TMOD1: variants seen among roughly 807,000 people sequenced by gnomAD.
The protein encoded by TMOD1 is tropomodulin-1.
Under a neutral mutation model 40.6 loss-of-function variants are expected in TMOD1, and 17 were observed. The ratio of observed to expected loss-of-function variants is 0.42; its 90% confidence interval spans 0.29 to 0.63. The LOEUF is 0.63. TMOD1 is among the 20% of genes least tolerant of loss of function. The pLI, the probability that TMOD1 is intolerant of heterozygous loss-of-function variation, is 0.22. For missense variants in TMOD1, 391 were observed against 447.6 expected, an observed-to-expected ratio of 0.87 and a Z score of 1.14; for synonymous variants, 181 against 175.0, an observed-to-expected ratio of 1.03 and a Z score of -0.27.
chr9:97,586,396 T>A (rs1482914843), intron 8 of TMOD1, among the ~76,000 whole-genome samples: 70 of 151,700 alleles, frequency 4.6e-4, no homozygotes, highest in Non-Finnish European at 8.9e-4. Flanking sequence ...GGAGAACCAC[T>A]GCTCTCTTCA....
intron 3 of TMOD1, among the ~76,000 whole-genome samples, chr9:97,547,849 C>G (rs1225445515): frequency 2.0e-5 from 3 of 152,206 alleles, no homozygotes; most frequent in Admixed American, 2.0e-4. Flanking sequence ...ACCACTTGGG[C>G]TGTTTTTGCT....
chr9:97,596,778 G>A (rs1021232681), intron 9 of TMOD1, among the ~76,000 whole-genome samples: 1 of 152,080 alleles, frequency 6.6e-6, no homozygotes, highest in Non-Finnish European at 1.5e-5. Flanking sequence ...TACTCCCAAT[G>A]CCCCCCACCT....
intron 4 of TMOD1, among the ~76,000 whole-genome samples, chr9:97,560,144 A>T (rs1362082976): frequency 3.0e-5 from 1 of 33,472 alleles, no homozygotes; most frequent in Non-Finnish European, 6.9e-5. Flanking sequence ...ATATTTTTTA[A>T]AAAATCACCA....
intron 4 of TMOD1, among the ~76,000 whole-genome samples, chr9:97,559,772 TAAAAAAAAAAAAA>T (rs58522887): frequency 5.2e-4 from 19 of 36,850 alleles, no homozygotes; most frequent in Non-Finnish European, 6.4e-4. Flanking sequence ...CTCAAAAATT[TAAAAAAAAAAAAA>T]AAAAAAAAAA....
At chr9:97,591,553 C>A (rs1826002378) in intron 9 of TMOD1, 118 bp downstream of exon 9, 1 of 1,250,720 alleles carries the variant, frequency 8.0e-7, no homozygotes, top group Non-Finnish European at 1.1e-6. Flanking sequence ...CCTTGATTTT[C>A]ACATTGATCG....
chr9:97,501,362 A>C (rs903464107), upstream of TMOD1: 1 of 152,198 alleles, frequency 6.6e-6, no homozygotes, highest in Non-Finnish European at 1.5e-5. Flanking sequence ...ACAGGAATGC[A>C]AATCTGCCCA....
chr9:97,550,992 T>TATATATA (rs1830441669), intron 3 of TMOD1, among the ~76,000 whole-genome samples: 1 of 96,382 alleles, frequency 1.0e-5, no homozygotes, highest in African/African-American at 4.8e-5. Context: ...TCTAAGAATT[T>TATATATA]TATATATATA....
intron 2 of TMOD1, among the ~76,000 whole-genome samples, chr9:97,529,623 C>T (rs568211767): frequency 4.6e-5 from 7 of 152,102 alleles, no homozygotes; most frequent in African/African-American, 7.2e-5. Context: ...TGGACTCCCT[C>T]GGGAAAGGAA....
chr9:97,594,639 G>A (rs1461621872), intron 9 of TMOD1, among the ~76,000 whole-genome samples: 3 of 152,310 alleles, frequency 2.0e-5, no homozygotes, highest in South Asian at 2.1e-4. Flanking sequence ...TGAGGACAGC[G>A]ACTGGCTCTG....
At chr9:97,566,714 G>A (rs147070272) in intron 7 of TMOD1, among the ~76,000 whole-genome samples, 333 of 152,150 alleles carry the variant, frequency 2.2e-3, no homozygotes, top group Non-Finnish European at 3.5e-3. Context: ...AAATAAAAAT[G>A]ATGGTTTCAT....
chr9:97,544,346 G>C (rs1420731260), intron 2 of TMOD1, among the ~76,000 whole-genome samples: 1 of 152,144 alleles, frequency 6.6e-6, no homozygotes, highest in African/African-American at 2.4e-5. Flanking sequence ...GACCAGCCTA[G>C]CCAATATGGT....
At chr9:97,552,465 C>T (rs917499271) in intron 3 of TMOD1, among the ~76,000 whole-genome samples, 1 of 152,222 alleles carries the variant, frequency 6.6e-6, no homozygotes, top group African/African-American at 2.4e-5. Context: ...TATTGCTCTC[C>T]TTTCACTACA....
chr9:97,593,455 G>A (rs1298708957), intron 9 of TMOD1, among the ~76,000 whole-genome samples: 1 of 152,106 alleles, frequency 6.6e-6, no homozygotes, highest in East Asian at 1.9e-4. Flanking sequence ...GGAGCCTGGG[G>A]TGGGGGTAGG....
chr9:97,511,090 A>G (rs1205971664), intron 1 of TMOD1, among the ~76,000 whole-genome samples: 1 of 148,598 alleles, frequency 6.7e-6, no homozygotes, highest in East Asian at 2.6e-4. Flanking sequence ...ACACAGACAC[A>G]CACACACACA....
chr9:97,593,758 G>C (rs1248956102), intron 9 of TMOD1, among the ~76,000 whole-genome samples: 1 of 152,102 alleles, frequency 6.6e-6, no homozygotes, highest in Non-Finnish European at 1.5e-5. Flanking sequence ...AGCCAGCCTT[G>C]AAAGGAAGAG....
At chr9:97,546,844 G>A (rs193233562) in intron 3 of TMOD1, among the ~76,000 whole-genome samples, 154 of 149,078 alleles carry the variant, frequency 1.0e-3, no homozygotes, top group African/African-American at 3.5e-3. Flanking sequence ...CAGGAAAATC[G>A]CGTGAACCCA....
At chr9:97,584,382 C>T (rs528681592) in intron 8 of TMOD1, among the ~76,000 whole-genome samples, 2 of 151,136 alleles carry the variant, frequency 1.3e-5, no homozygotes, top group East Asian at 1.9e-4. Context: ...GTTATAATTT[C>T]TGTTCTTTTA....
At chr9:97,555,318 A>G in intron 4 of TMOD1, 2 of 1,135,224 alleles carry the variant, frequency 1.8e-6, no homozygotes, top group Non-Finnish European at 2.2e-6. Context: ...GCATCTCCAC[A>G]TGGACTGGGG....
chr9:97,509,555 G>T (rs1205955699), intron 1 of TMOD1, among the ~76,000 whole-genome samples: 2 of 147,668 alleles, frequency 1.4e-5, no homozygotes, highest in African/African-American at 2.5e-5. Context: ...CTTTCACCCA[G>T]GCTGGAGTGC....
Sources: allele counts gnomAD v4.1 joint callset (sites outside exome capture counted in the v4.1 genomes callset), GRCh38; gene constraint gnomAD v4.1.1; transcripts MANE v1.5; gene names NCBI Gene and HGNC (gene_info 2026-07-23, HGNC 2026-07-21).